The following SEL1L2 variants were observed in gnomAD, a reference collection of about 807,000 sequenced individuals.
SEL1L2 encodes the protein protein sel-1 homolog 2.
SEL1L2 carries 89 observed loss-of-function variants against 98.8 expected under a neutral mutation model. The observed-to-expected ratio is 0.90, with a 90% CI of 0.76 to 1.07. The LOEUF (loss-of-function observed/expected upper bound fraction) is 1.07, where lower values mean the gene tolerates loss of function less well. Among genes scored for constraint, SEL1L2 ranks in the 50% least tolerant of loss-of-function variants. The pLI, the probability that SEL1L2 is intolerant of heterozygous loss-of-function variation, is 0.00. For missense variants in SEL1L2, 788 were observed against 812.0 expected, an observed-to-expected ratio of 0.97 and a Z score of 0.36; for synonymous variants, 262 against 278.5, an observed-to-expected ratio of 0.94 and a Z score of 0.59.
intron 17 of SEL1L2, among the ~76,000 whole-genome samples, chr20:13,860,375 C>G (rs897110788): frequency 1.3e-5 from 2 of 152,182 alleles, no homozygotes. Context: ...CCCCCTTGCC[C>G]GTGAAGCTGC....
chr20:13,892,609 G>T (rs1423553441), intron 5 of SEL1L2, among the ~76,000 whole-genome samples: 1 of 151,930 alleles, frequency 6.6e-6, no homozygotes, highest in African/African-American at 2.4e-5. Context: ...CAGTAAGAGA[G>T]GAAAAGAAGG....
upstream of SEL1L2, among the ~76,000 whole-genome samples, chr20:13,992,933 T>C (rs1344457758): frequency 1.3e-5 from 2 of 152,146 alleles, no homozygotes; most frequent in African/African-American, 4.8e-5. Flanking sequence ...TAAACTTAAT[T>C]ACTTCGTAAA....
intron 18 of SEL1L2, among the ~76,000 whole-genome samples, chr20:13,853,332 G>C (rs1005715035): frequency 1.3e-5 from 2 of 151,296 alleles, no homozygotes; most frequent in East Asian, 3.9e-4. Context: ...CTGAGTAGCT[G>C]GGATTACAGG....
intron 5 of SEL1L2, among the ~76,000 whole-genome samples, chr20:13,899,379 G>C (rs1221244706): frequency 3.3e-5 from 5 of 152,044 alleles, no homozygotes; most frequent in African/African-American, 1.2e-4. Context: ...AGAAACAAAT[G>C]TTGAATTTTA....
intron 5 of SEL1L2, among the ~76,000 whole-genome samples, chr20:13,908,020 C>G (rs921888000): frequency 1.4e-5 from 2 of 148,144 alleles, no homozygotes; most frequent in Admixed American, 1.4e-4. Context: ...CTCCTGGGCT[C>G]AAGTGATCTC....
At chr20:13,853,131 T>G (rs1021842141) in intron 18 of SEL1L2, among the ~76,000 whole-genome samples, 6 of 152,198 alleles carry the variant, frequency 3.9e-5, no homozygotes, top group Admixed American at 2.6e-4. Flanking sequence ...TAATATTACA[T>G]CTTCTGTTTT....
At chr20:13,853,548 T>C (rs913746860) in intron 18 of SEL1L2, among the ~76,000 whole-genome samples, 1 of 152,216 alleles carries the variant, frequency 6.6e-6, no homozygotes, top group Non-Finnish European at 1.5e-5. Context: ...GCAGAGTATA[T>C]TGTAATAATG....
intron 2 of SEL1L2, among the ~76,000 whole-genome samples, chr20:13,951,042 C>T (rs62207710): frequency 0.064 from 9,717 of 151,782 alleles, 352 homozygotes; most frequent in Non-Finnish European, 0.073. Flanking sequence ...TTTGGGAGGC[C>T]GAGGCGTGCG....
intron 18 of SEL1L2, among the ~76,000 whole-genome samples, chr20:13,851,145 T>C (rs1024535686): frequency 6.6e-6 from 1 of 152,002 alleles, no homozygotes; most frequent in Non-Finnish European, 1.5e-5. Flanking sequence ...GAGAATTGCT[T>C]GAACCCGGGA....
intron 5 of SEL1L2, among the ~76,000 whole-genome samples, chr20:13,895,575 A>G (rs1447642974): frequency 1.3e-5 from 2 of 152,224 alleles, no homozygotes; most frequent in African/African-American, 4.8e-5. Flanking sequence ...ACACTCAACA[A>G]ACAAGGACTA....
chr20:13,940,337 A>T (rs1383257514), intron 2 of SEL1L2, among the ~76,000 whole-genome samples: 1 of 152,248 alleles, frequency 6.6e-6, no homozygotes, highest in African/African-American at 2.4e-5. Context: ...ATGAAGGCAG[A>T]GCATTCCGGG....
chr20:13,865,092 C>T (rs952340979), intron 17 of SEL1L2, 75 bp downstream of exon 17: 81 of 1,180,078 alleles, frequency 6.9e-5, no homozygotes, highest in Middle Eastern at 5.7e-4. Context: ...TGCACAAACA[C>T]GCAGCTACAG....
chr20:13,873,120 A>AGCT (rs2046279454), intron 12 of SEL1L2, among the ~76,000 whole-genome samples: 1 of 149,920 alleles, frequency 6.7e-6, no homozygotes, highest in Non-Finnish European at 1.5e-5. Context: ...CCTCCCAAGT[A>AGCT]GCTGGGATTA....
intron 1 of SEL1L2, among the ~76,000 whole-genome samples, chr20:13,983,351 A>G (rs1271757163): frequency 1.3e-5 from 2 of 152,098 alleles, no homozygotes; most frequent in African/African-American, 4.8e-5. Context: ...ATAAAAAGGC[A>G]ACATGCAAGC....
At position 13,886,347 on chromosome 20, in the gene SEL1L2, C is replaced by A. The variant is rs1254931375; in HGVS notation, c.841G>T (p.Asp281Tyr). 1 of 1,612,846 alleles carries A rather than the reference C, an allele frequency of 6.2e-7. No homozygotes were observed. The highest frequency in any genetic ancestry group is 2.2e-5 in the East Asian group (1 of 44,866). ...TTATAGTATTGGTATATGTCCCAATCCAAAATCTCACTGTTAGAACTCAGA... is the reference window on the plus strand; with the variant it reads ...TTATAGTATTGGTATATGTCCCAATACAAAATCTCACTGTTAGAACTCAGA... ...ENLSSNSEIL[D>Y]WDIYQYYKFL... The change falls in exon 9 of 20, where the codon GAT becomes TAT. Residue 281 changes from aspartate to tyrosine, a missense_variant. Asp to Tyr is a radical substitution (Grantham distance 160). Coordinates refer to ENST00000284951, the MANE Select transcript of SEL1L2 (RefSeq NM_025229.2).
intron 1 of SEL1L2, among the ~76,000 whole-genome samples, chr20:13,974,983 G>A (rs1006146818): frequency 6.6e-6 from 1 of 152,018 alleles, no homozygotes; most frequent in South Asian, 2.1e-4. Context: ...AAGCTGCAGG[G>A]TGTAAATCAT....
At position 13,862,136 on chromosome 20, in the gene SEL1L2, A is replaced by G. The variant is rs575703254; in HGVS notation, c.1646-2702T>C. Among the ~76,000 whole-genome samples, 54 of 152,356 alleles carry G rather than the reference A, an allele frequency of 3.5e-4. 1 individual carries two copies. The South Asian group carries it at 5.2e-3, about 15-fold the overall frequency. On this transcript the variant is annotated intron_variant, in intron 17 of 19. Transcript: ENST00000284951. Reference sequence around the variant, plus strand: ...CCGGAATGGTACTTGATAAATACATATAGAATGAATGGATGGACATGCAAG... The same window carrying G: ...CCGGAATGGTACTTGATAAATACATGTAGAATGAATGGATGGACATGCAAG...
intron 3 of SEL1L2, among the ~76,000 whole-genome samples, chr20:13,921,914 A>G (rs996910090): frequency 1.5e-4 from 23 of 152,218 alleles, no homozygotes; most frequent in African/African-American, 5.3e-4. Context: ...CAGTGCCTAC[A>G]TCACCTCATT....
At chr20:13,891,769 GACAA>G (rs766598868) in intron 5 of SEL1L2, among the ~76,000 whole-genome samples, 3 of 151,134 alleles carry the variant, frequency 2.0e-5, no homozygotes, top group Non-Finnish European at 4.4e-5. Context: ...GCCCTTCCCA[GACAA>G]ACAAACGCTG....
Sources: gnomAD v4.1 joint callset for allele counts (sites outside exome capture counted in the v4.1 genomes callset) on GRCh38, gnomAD v4.1.1 for gene constraint, MANE v1.5 for transcripts, NCBI Gene and HGNC (gene_info 2026-07-23, HGNC 2026-07-21) for gene names.